The following SLC24A2 variants were observed in gnomAD, a reference collection of about 807,000 sequenced individuals.
The protein encoded by SLC24A2 is solute carrier family 24 member 2, also known as sodium/potassium/calcium exchanger 2.
In SLC24A2, 36 loss-of-function variants were observed where a neutral mutation model predicts 62.0. That is an observed-to-expected ratio of 0.58 (90% CI 0.44 to 0.77). The LOEUF (loss-of-function observed/expected upper bound fraction) is 0.77. Ranked by LOEUF, SLC24A2 falls within the 30% of genes least tolerant of loss-of-function variation. The pLI is 0.00. For synonymous variants in SLC24A2, 358 were observed against 294.0 expected (o/e 1.22, Z -2.23); for missense variants, 846 against 817.9 (o/e 1.03, Z -0.42).
intron 2 of SLC24A2, among the ~76,000 whole-genome samples, chr9:19,699,845 C>A (rs145806378): frequency 3.2e-4 from 48 of 151,846 alleles, no homozygotes; most frequent in African/African-American, 1.2e-3. Context: ...CTAGATGATT[C>A]TCTGAAATAA....
Position 19,528,152 on chromosome 9 carries a change from A to G in SLC24A2, c.1480-14T>C. On this transcript the variant is annotated splice_polypyrimidine_tract_variant and intron_variant, in intron 8 of 10. Transcript: ENST00000341998. ...CTTCCTCGATGACTGAAAGACAACC[A>G]GGAAGAGTTGAGAATATCAGTGTTA... 6.5e-7 allele frequency: 1 copy of G among 1,528,580 alleles called. No individual in the cohort carries two copies. Among genetic ancestry groups the G allele is most frequent in the Non-Finnish European group, 8.9e-7 (1 of 1,117,708 alleles). The allele number at this position is 1,528,580 out of a possible 1,614,324, so 94.7% of individuals were successfully genotyped here. A position where few individuals can be genotyped will look rare whatever the true frequency, so the allele number is the denominator to read the frequency against.
At chr9:20,076,428 G>A in the SLC24A2 span, among the ~76,000 whole-genome samples, 3 of 152,240 alleles carry the variant, frequency 2.0e-5, no homozygotes, top group East Asian at 5.8e-4. Flanking sequence ...ACACACGAAG[G>A]GAGAACCCCT....
chr9:19,664,651 A>G (rs1172061554), intron 2 of SLC24A2, among the ~76,000 whole-genome samples: 1 of 152,232 alleles, frequency 6.6e-6, no homozygotes, highest in Non-Finnish European at 1.5e-5. Flanking sequence ...AGATGAGGTC[A>G]TACTGGATCT....
chr9:20,156,919 C>T, the SLC24A2 span, among the ~76,000 whole-genome samples: 2 of 151,700 alleles, frequency 1.3e-5, no homozygotes, highest in Non-Finnish European at 3.0e-5. Context: ...TCCTTCTGTT[C>T]ACCAGACTCA....
intron 8 of SLC24A2, among the ~76,000 whole-genome samples, chr9:19,542,609 A>G (rs1342656928): frequency 2.6e-5 from 4 of 152,196 alleles, no homozygotes; most frequent in African/African-American, 4.8e-5. Context: ...GATACGTTCA[A>G]TCAGTGCCTA....
At chr9:19,756,903 CTTTTTTTT>C (rs780450451) in intron 2 of SLC24A2, among the ~76,000 whole-genome samples, 2 of 78,522 alleles carry the variant, frequency 2.5e-5, no homozygotes, top group Non-Finnish European at 4.5e-5. Context: ...TTTACTGAAG[CTTTTTTTT>C]TTTTTTTTTT....
chr9:20,125,239 TA>T, the SLC24A2 span, among the ~76,000 whole-genome samples: 1 of 152,300 alleles, frequency 6.6e-6, no homozygotes, highest in Non-Finnish European at 1.5e-5. Flanking sequence ...AAAGTAATCA[TA>T]ATACTCAATT....
the SLC24A2 span, among the ~76,000 whole-genome samples, chr9:20,212,809 T>C: frequency 1.3e-5 from 2 of 151,296 alleles, no homozygotes; most frequent in Non-Finnish European, 2.9e-5. Context: ...TACATATTTA[T>C]AAAAATATAT....
chr9:20,190,407 C>G, the SLC24A2 span, among the ~76,000 whole-genome samples: 6 of 152,256 alleles, frequency 3.9e-5, no homozygotes, highest in African/African-American at 1.4e-4. Flanking sequence ...TTTTAATCAT[C>G]TATTGTGTTT....
the SLC24A2 span, among the ~76,000 whole-genome samples, chr9:19,808,362 G>A: frequency 6.6e-6 from 1 of 152,180 alleles, no homozygotes; most frequent in Non-Finnish European, 1.5e-5. The surrounding 1 kb of genome is among the most constrained non-coding windows in gnomAD (Gnocchi z 4.1). Flanking sequence ...TCCCATGAAA[G>A]AAATGGGTGA....
the SLC24A2 span, among the ~76,000 whole-genome samples, chr9:20,214,612 C>T: frequency 3.0e-5 from 4 of 134,088 alleles, no homozygotes; most frequent in Admixed American, 7.8e-5. Context: ...GAGACTCTGT[C>T]TCAAAAAAAT....
the SLC24A2 span, among the ~76,000 whole-genome samples, chr9:19,863,698 A>T: frequency 1.2e-5 from 1 of 81,500 alleles, no homozygotes; most frequent in South Asian, 2.8e-4. Flanking sequence ...AAATCTATGG[A>T]ATACAGTGGA....
the SLC24A2 span, among the ~76,000 whole-genome samples, chr9:19,846,173 T>C: frequency 4.6e-5 from 7 of 152,230 alleles, no homozygotes; most frequent in Non-Finnish European, 8.8e-5. Flanking sequence ...ATAATTTTTC[T>C]AACATTTTCA....
chr9:20,168,232 G>A, the SLC24A2 span, among the ~76,000 whole-genome samples: 1 of 151,936 alleles, frequency 6.6e-6, no homozygotes, highest in African/African-American at 2.4e-5. Context: ...CTAAAAACTA[G>A]TCAATCTGAT....
the SLC24A2 span, among the ~76,000 whole-genome samples, chr9:20,076,533 C>A: frequency 4.6e-5 from 7 of 152,084 alleles, no homozygotes; most frequent in African/African-American, 1.4e-4. Flanking sequence ...TGGGAAGAGG[C>A]AAGAAAGACT....
At chr9:20,174,800 T>G in the SLC24A2 span, among the ~76,000 whole-genome samples, 1 of 151,902 alleles carries the variant, frequency 6.6e-6, no homozygotes. Flanking sequence ...GGCAATTCCT[T>G]AAAGAACTAA....
At position 19,508,043 on chromosome 9, in the gene SLC24A2, T is replaced by TA. The variant is rs1458011907; in HGVS notation, c.*8109dup. 6.6e-6 allele frequency: 1 copy of TA among 152,264 alleles called. No individual in the cohort carries two copies. The highest frequency in any genetic ancestry group is 1.5e-5 in the Non-Finnish European group (1 of 68,046). The allele number at this position is 152,264 out of a possible 1,614,324, so 9.4% of individuals were successfully genotyped here. ...ACAAAAGTATAATTTCTCTTGCTTT[T>TA]AGTGCTAGCAGCAACTTCACTGAAT... On this transcript the variant is annotated 3_prime_UTR_variant, in exon 11 of 11. Transcript: ENST00000341998.
chr9:20,000,911 C>T, the SLC24A2 span, among the ~76,000 whole-genome samples: 3 of 152,084 alleles, frequency 2.0e-5, no homozygotes, highest in African/African-American at 7.2e-5. Flanking sequence ...AGGCAGGAAG[C>T]ATAACTTGGA....
the SLC24A2 span, among the ~76,000 whole-genome samples, chr9:20,300,912 C>A: frequency 6.6e-6 from 1 of 152,160 alleles, no homozygotes; most frequent in Admixed American, 6.5e-5. Flanking sequence ...CTGTTGCAAA[C>A]CCTTTTGTCA....
Sources: allele counts gnomAD v4.1 joint callset (sites outside exome capture counted in the v4.1 genomes callset), GRCh38; gene constraint gnomAD v4.1.1; non-coding constraint Gnocchi (gnomAD v3.1); transcripts MANE v1.5; gene names NCBI Gene and HGNC (gene_info 2026-07-23, HGNC 2026-07-21).